VPS13B: variants seen among roughly 807,000 people sequenced by gnomAD.
The protein encoded by VPS13B is vacuolar protein sorting 13 homolog B, also known as intermembrane lipid transfer protein VPS13B.
A neutral mutation model predicts 426.4 loss-of-function variants in VPS13B; 285 were observed. The observed-to-expected ratio is 0.67, with a 90% CI of 0.61 to 0.74. The LOEUF is 0.74. VPS13B is among the 30% of genes least tolerant of loss of function. The pLI is 0.00. For missense variants in VPS13B, 4,537 were observed against 4,782.6 expected, an observed-to-expected ratio of 0.95 and a Z score of 1.51; for synonymous variants, 1,676 against 1,676.4, an observed-to-expected ratio of 1.00 and a Z score of 0.01.
At chr8:99,425,927 A>G (rs1056911991) in intron 21 of VPS13B, among the ~76,000 whole-genome samples, 7 of 152,146 alleles carry the variant, frequency 4.6e-5, no homozygotes, top group African/African-American at 1.4e-4. Context: ...ATTTTTTATT[A>G]TACTTTAAGT....
At chr8:99,736,333 G>T (rs1281203907) in intron 39 of VPS13B, among the ~76,000 whole-genome samples, 5 of 152,200 alleles carry the variant, frequency 3.3e-5, no homozygotes, top group Admixed American at 2.0e-4. Context: ...AGCACTTTGG[G>T]AGGCTGAGGC....
intron 58 of VPS13B, among the ~76,000 whole-genome samples, chr8:99,862,354 G>C (rs1816884645): frequency 6.6e-6 from 1 of 152,196 alleles, no homozygotes; most frequent in Admixed American, 6.5e-5. Flanking sequence ...AGAAACACTA[G>C]AGCAACATGC....
Position 99,156,627 on chromosome 8 carries a change from A to G in VPS13B, c.2092A>G (p.Ile698Val). Residue 698 changes from isoleucine to valine, a missense_variant, in exon 15 of 62, where the codon ATT becomes GTT. Physicochemically the swap from Ile to Val is conservative, Grantham distance 29. Around this residue, in one of 2 missense-constraint regions of VPS13B, gnomAD observed 4,311 missense variants for 4,474.3 expected, o/e 0.96. Transcript: ENST00000357162. ...ATCCATTCGAATATTGGTGGATAAA[A>G]TTAATCTGGAACATTCAGTGCCAAT... ...LPSIRILVDK[I>V]NLEHSVPMYA... 1 of 1,614,126 alleles carries G rather than the reference A, an allele frequency of 6.2e-7. No individual in the cohort carries two copies. Among genetic ancestry groups the G allele is most frequent in the Non-Finnish European group, 8.5e-7 (1 of 1,179,932 alleles).
chr8:99,048,674 G>T (rs1017898316), intron 3 of VPS13B, among the ~76,000 whole-genome samples: 37 of 152,204 alleles, frequency 2.4e-4, no homozygotes, highest in African/African-American at 8.9e-4. Context: ...AATTAGCTGG[G>T]TGTGGTAGCG....
At chr8:99,874,634 TG>T (rs1233715426) in intron 61 of VPS13B, among the ~76,000 whole-genome samples, 1 of 100,590 alleles carries the variant, frequency 9.9e-6, no homozygotes, top group Non-Finnish European at 2.3e-5. Context: ...CCACTCCACT[TG>T]ATCTACACAC....
chr8:99,230,175 G>GT (rs996907644), intron 17 of VPS13B, among the ~76,000 whole-genome samples: 35 of 151,716 alleles, frequency 2.3e-4, no homozygotes, highest in South Asian at 1.0e-3. Flanking sequence ...ACATGTTGGG[G>GT]TTTTTTTTGC....
At chr8:99,252,990 C>T (rs777675354) in intron 17 of VPS13B, among the ~76,000 whole-genome samples, 1 of 152,024 alleles carries the variant, frequency 6.6e-6, no homozygotes, top group Non-Finnish European at 1.5e-5. Context: ...CAATCATTCC[C>T]CATTCCTATT....
At chr8:99,534,653 G>A (rs1823103122) in intron 30 of VPS13B, among the ~76,000 whole-genome samples, 1 of 152,064 alleles carries the variant, frequency 6.6e-6, no homozygotes, top group Non-Finnish European at 1.5e-5. Flanking sequence ...AAAGCATAGG[G>A]TACCTTTAAA....
At chr8:99,070,225 T>G (rs1327461731) in intron 3 of VPS13B, among the ~76,000 whole-genome samples, 2 of 152,234 alleles carry the variant, frequency 1.3e-5, no homozygotes, top group Admixed American at 6.5e-5. Flanking sequence ...CATGAAATTT[T>G]TTTTAGTTCT....
At chr8:99,718,946 G>A (rs1424036990) in intron 37 of VPS13B, among the ~76,000 whole-genome samples, 6 of 151,830 alleles carry the variant, frequency 4.0e-5, no homozygotes, top group East Asian at 1.9e-4. Flanking sequence ...CATAGCACCC[G>A]GCCAATTTTT....
chr8:99,142,750 A>T (rs1388867685), intron 12 of VPS13B, among the ~76,000 whole-genome samples: 1 of 152,202 alleles, frequency 6.6e-6, no homozygotes, highest in Non-Finnish European at 1.5e-5. Flanking sequence ...ATTGCTTGTT[A>T]TAATATTAAA....
intron 40 of VPS13B, among the ~76,000 whole-genome samples, chr8:99,776,108 G>A (rs909048124): frequency 3.3e-5 from 5 of 152,050 alleles, no homozygotes; most frequent in African/African-American, 7.2e-5. Flanking sequence ...TGGACAATCT[G>A]GAGAAGTAAA....
chr8:99,100,963 G>A (rs1336774525), intron 4 of VPS13B, among the ~76,000 whole-genome samples: 1 of 151,766 alleles, frequency 6.6e-6, no homozygotes, highest in Non-Finnish European at 1.5e-5. Context: ...AGAATCACTT[G>A]AACCCGGGAG....
intron 17 of VPS13B, among the ~76,000 whole-genome samples, chr8:99,264,254 C>G (rs1243782261): frequency 2.7e-5 from 4 of 150,900 alleles, no homozygotes; most frequent in African/African-American, 4.9e-5. Flanking sequence ...CTGTTTGTTC[C>G]CTAGGCCTAC....
At chr8:99,614,610 T>A (rs1244978314) in intron 33 of VPS13B, among the ~76,000 whole-genome samples, 1 of 152,072 alleles carries the variant, frequency 6.6e-6, no homozygotes, top group Non-Finnish European at 1.5e-5. Flanking sequence ...TGTTTCAGTA[T>A]AAGAAGGAAG....
chr8:99,646,396 G>A (rs1024876199), intron 34 of VPS13B, among the ~76,000 whole-genome samples: 2 of 152,078 alleles, frequency 1.3e-5, no homozygotes, highest in African/African-American at 4.8e-5. Flanking sequence ...GCAGTGGCAT[G>A]CACCTGTAGT....
chr8:99,142,847 G>A, intron 12 of VPS13B, 127 bp from the exon 13 acceptor site: 1 of 874,690 alleles, frequency 1.1e-6, no homozygotes, highest in Non-Finnish European at 1.7e-6. Flanking sequence ...CTCTCTGTAT[G>A]CAGCTGATTG....
At chr8:99,357,611 T>C (rs936607998) in intron 19 of VPS13B, among the ~76,000 whole-genome samples, 1 of 152,170 alleles carries the variant, frequency 6.6e-6, no homozygotes, top group East Asian at 1.9e-4. Flanking sequence ...GTTTTGTGAG[T>C]GACAATATTG....
intron 43 of VPS13B, among the ~76,000 whole-genome samples, chr8:99,786,716 A>G (rs111930570): frequency 3.3e-4 from 50 of 152,280 alleles, no homozygotes; most frequent in African/African-American, 1.2e-3. Flanking sequence ...AGCTGCAGTC[A>G]TTATAATCTT....
Sources: gnomAD v4.1 joint callset for allele counts (sites outside exome capture counted in the v4.1 genomes callset) on GRCh38, gnomAD v4.1.1 for gene constraint, gnomAD v4.1.1 regional missense constraint, MANE v1.5 for transcripts, NCBI Gene and HGNC (gene_info 2026-07-23, HGNC 2026-07-21) for gene names.